Variants in CTSL observed in about 807,000 individuals in gnomAD.
The protein encoded by CTSL is procathepsin L.
CTSL carries 23 observed loss-of-function variants against 34.7 expected under a neutral mutation model. The observed-to-expected ratio is 0.66, with a 90% CI of 0.48 to 0.94. The LOEUF is 0.94. Among genes scored for constraint, CTSL ranks in the 40% least tolerant of loss-of-function variants. CTSL has a pLI of 0.00. For synonymous variants in CTSL, 129 were observed against 136.7 expected (o/e 0.94, Z 0.39); for missense variants, 361 against 406.3 (o/e 0.89, Z 0.96).
rs779141530 is a variant in CTSL, at chr9:87,727,710, A to G, written c.107A>G (p.His36Arg). 2.5e-6 allele frequency: 4 copies of G among 1,614,212 alleles called. No individual in the cohort carries two copies. In the South Asian group the frequency reaches 3.3e-5, roughly 13 times the overall value. ...CAGTGGACCAAGTGGAAGGCGATGC[A>G]CAACAGATTATACGGCATGGTTAGT... ...EAQWTKWKAM[H>R]NRLYGMNEEG... Residue 36 changes from histidine (H) to arginine (R), a missense_variant, in exon 2 of 8, where the codon CAC becomes CGC. Physicochemically the swap from His to Arg is conservative, Grantham distance 29. Coordinates refer to ENST00000343150, the MANE Select transcript of CTSL (RefSeq NM_001912.5).
intron 7 of CTSL, 96 bp downstream of exon 7, chr9:87,730,594 C>A: frequency 1.3e-6 from 1 of 794,546 alleles, no homozygotes; most frequent in Non-Finnish European, 2.0e-6. Context: ...CTTAGGCATA[C>A]TTCTGAAATC....
chr9:87,729,518 C>T, intron 5 of CTSL, 55 bp from the exon 6 acceptor site: 2 of 1,528,060 alleles, frequency 1.3e-6, no homozygotes, highest in Non-Finnish European at 1.8e-6. Context: ...AACTCATGTT[C>T]TCCAGGAGGA....
At chr9:87,728,550 T>G (rs772873340) in intron 4 of CTSL, 35 bp from the exon 5 acceptor site, 10 of 1,590,578 alleles carry the variant, frequency 6.3e-6, no homozygotes, top group African/African-American at 4.1e-5. Context: ...TATTTTTTTT[T>G]TGTGGATGAC....
intron 1 of CTSL, among the ~76,000 whole-genome samples, chr9:87,727,088 G>C (rs1309092738): frequency 1.3e-5 from 2 of 149,408 alleles, no homozygotes; most frequent in Non-Finnish European, 1.5e-5. Context: ...AAATAGGAGA[G>C]ATTGGAAAAC....
chr9:87,731,173 C>T lies in CTSL; in HGVS notation c.*66C>T. On this transcript the variant is annotated 3_prime_UTR_variant, in exon 8 of 8. Transcript: ENST00000343150. ...CGCATGCATGGGAGGAATTCATCTT[C>T]AGTCTACCAGCCCCCGCTGTGTCGG... 1 of 1,192,928 alleles carries T rather than the reference C, an allele frequency of 8.4e-7. No individual in the cohort carries two copies. Among genetic ancestry groups the T allele is most frequent in the South Asian group, 1.3e-5 (1 of 78,336 alleles). The allele number at this position is 1,192,928 out of a possible 1,614,324, so 73.9% of individuals were successfully genotyped here.
At position 87,728,294 on chromosome 9, in the gene CTSL, T is replaced by G. The variant is rs1826111838; in HGVS notation, c.294T>G (p.Arg98=). 1 of 1,614,174 alleles carries G rather than the reference T, an allele frequency of 6.2e-7. No individual in the cohort carries two copies. The highest frequency in any genetic ancestry group is 1.3e-5 in the African/African-American group (1 of 75,048). The change falls in exon 4 of 8, where the codon CGT becomes CGG. Residue 98 remains arginine, a synonymous_variant. Coordinates refer to ENST00000343150, the MANE Select transcript of CTSL (RefSeq NM_001912.5). ...FRQVMNGFQN[R]KPRKGKVFQE... Reference sequence around the variant, plus strand: ...AGGTGATGAATGGCTTTCAAAACCGTAAGCCCAGGAAGGGGAAAGTGTTCC... The same window carrying G: ...AGGTGATGAATGGCTTTCAAAACCGGAAGCCCAGGAAGGGGAAAGTGTTCC...
Position 87,728,468 on chromosome 9 carries a change from G to A in CTSL, c.396+72G>A. On this transcript the variant is annotated intron_variant, in intron 4 of 7. Transcript: ENST00000343150. The stretch of plus-strand genomic sequence containing the variant: ...AGAAGTGATTGACATCTTTGTTTTG[G>A]TAGACTTTAAAGTGATGTACAGTTC... The A allele has an allele frequency of 3.2e-6, 5 of 1,579,902 alleles. No homozygotes were observed. In the South Asian group the frequency reaches 3.5e-5, roughly 11 times the overall value.
Position 87,729,672 on chromosome 9 carries a change from A to G in CTSL, c.721A>G (p.Thr241Ala). 1.2e-6 allele frequency: 2 copies of G among 1,614,146 alleles called. No homozygotes were observed. Among genetic ancestry groups the G allele is most frequent in the Non-Finnish European group, 1.7e-6 (2 of 1,180,004 alleles). The change falls in exon 6 of 8, where the codon ACT becomes GCT. Residue 241 changes from threonine to alanine, a missense_variant. By Grantham distance (58) the Thr-to-Ala change is moderately conservative (BLOSUM62 0). Transcript: ENST00000343150. ...GAAGGCCCTGATGAAGGCAGTTGCA[A>G]CTGTGGGGCCCATTTCTGTTGCTAT... is the stretch of plus-strand genomic sequence containing the variant. ...QEKALMKAVA[T>A]VGPISVAIDA... is the part of the protein sequence containing the mutation.
chr9:87,729,032 A>G (rs1167418622), intron 5 of CTSL: 1 of 1,252,000 alleles, frequency 8.0e-7, no homozygotes, highest in Non-Finnish European at 1.1e-6. Context: ...TCAAAAATAC[A>G]ACGAAAATTA....
rs973376499 is a variant in CTSL at position 87,726,275 on chromosome 9, G to C, written c.-134G>C. The C allele has an allele frequency of 6.6e-6, 1 of 152,490 alleles. No homozygotes were observed. The highest frequency in any genetic ancestry group is 6.5e-5 in the Admixed American group (1 of 15,288). 9.4% of individuals were successfully genotyped at this position (152,490 alleles called of 1,614,324 possible). On this transcript the variant is annotated 5_prime_UTR_variant, in exon 1 of 8. Transcript: ENST00000343150. ...GTAGGTGTGCACCAGCCCTGGCAAC[G>C]AGAGCGTCTACCCCGAACTCTGCTG...
At chr9:87,728,874 C>G (rs758771938) in intron 5 of CTSL, 65 bp downstream of exon 5, 1 of 1,608,654 alleles carries the variant, frequency 6.2e-7, no homozygotes, top group East Asian at 2.2e-5. Context: ...TAAGAGATAA[C>G]AGATACCTTT....
chr9:87,727,418 C>T (rs920651269), intron 1 of CTSL, among the ~76,000 whole-genome samples, 176 bp from the exon 2 acceptor site: 3 of 152,176 alleles, frequency 2.0e-5, no homozygotes, highest in Non-Finnish European at 2.9e-5. Flanking sequence ...AGTACCTCCA[C>T]GTGCCCTGTT....
intron 1 of CTSL, 88 bp from the exon 2 acceptor site, chr9:87,727,506 T>G: frequency 8.5e-6 from 11 of 1,290,644 alleles, no homozygotes; most frequent in Non-Finnish European, 1.1e-5. Context: ...ATTTTTATTC[T>G]ACCATGGTGG....
chr9:87,729,650 G>C lies in CTSL; in HGVS notation c.699G>C (p.Lys233Asn), dbSNP rs1190878026. Residue 233 changes from lysine (K) to asparagine (N), a missense_variant, in exon 6 of 8, where the codon AAG becomes AAC. Coordinates refer to ENST00000343150, the MANE Select transcript of CTSL (RefSeq NM_001912.5). ...TTGTGGACATCCCTAAGCAGGAGAA[G>C]GCCCTGATGAAGGCAGTTGCAACTG... ...TGFVDIPKQE[K>N]ALMKAVATVG... 1 of 1,614,134 alleles carries C rather than the reference G, an allele frequency of 6.2e-7. No homozygotes were observed. The highest frequency in any genetic ancestry group is 1.7e-5 in the Admixed American group (1 of 60,018).
In CTSL at chr9:87,731,318, TACTG is replaced by T. The variant is rs1321670715; in HGVS notation, c.*215_*218del. 1 of 387,822 alleles carries T rather than the reference TACTG, an allele frequency of 2.6e-6. No homozygotes were observed. The highest frequency in any genetic ancestry group is 4.6e-6 in the Non-Finnish European group (1 of 219,334). 24.0% of individuals were successfully genotyped at this position (387,822 alleles called of 1,614,324 possible). ...AATAGGTTTATATTATTGATTCACT[TACTG>T]ACTTTGCATTTTCGTTTTTAAAAGG... On this transcript the variant is annotated 3_prime_UTR_variant, in exon 8 of 8. Transcript: ENST00000343150.
chr9:87,728,650 A>T lies in CTSL; in HGVS notation c.462A>T (p.Lys154Asn), dbSNP rs768777861. The T allele has an allele frequency of 6.2e-7, 1 of 1,614,104 alleles. No homozygotes were observed. Among genetic ancestry groups the T allele is most frequent in the South Asian group, 1.1e-5 (1 of 91,078 alleles). The change falls in exon 5 of 8, where the codon AAA (lysine) becomes AAT (asparagine). Residue 154 changes from lysine to asparagine, a missense_variant. Lys to Asn is a moderately conservative substitution (Grantham distance 94). Transcript: ENST00000343150. ...TGALEGQMFR[K>N]TGRLISLSEQ... ...CTCTTGAAGGACAGATGTTCCGGAA[A>T]ACTGGGAGGCTTATCTCACTGAGTG...
At position 87,727,758 on chromosome 9, in the gene CTSL, T is replaced by C. The variant is rs1266196288; in HGVS notation, c.126+29T>C. Reference sequence around the variant, plus strand: ...AGTGAAACTTCCCCAGAAAGAATAGTCCTGGCTGTTGAGAAGTTTTAGTCA... The same window carrying C: ...AGTGAAACTTCCCCAGAAAGAATAGCCCTGGCTGTTGAGAAGTTTTAGTCA... On this transcript the variant is annotated intron_variant, in intron 2 of 7. Coordinates refer to ENST00000343150, the MANE Select transcript of CTSL (RefSeq NM_001912.5). 5 of 1,613,348 alleles carry C rather than the reference T, an allele frequency of 3.1e-6. No individual in the cohort carries two copies. In the Admixed American group the frequency reaches 8.3e-5, roughly 27 times the overall value.
intron 1 of CTSL, among the ~76,000 whole-genome samples, chr9:87,726,651 G>C (rs1477159265): frequency 6.6e-6 from 1 of 152,208 alleles, no homozygotes; most frequent in Non-Finnish European, 1.5e-5. Context: ...GGAGCAGTTT[G>C]GGGTGTCGGC....
Position 87,731,167 on chromosome 9 carries a change from C to A in CTSL, c.*60C>A. ...GGATGGCGCATGCATGGGAGGAATT[C>A]ATCTTCAGTCTACCAGCCCCCGCTG... On this transcript the variant is annotated 3_prime_UTR_variant, in exon 8 of 8. Coordinates refer to ENST00000343150, the MANE Select transcript of CTSL (RefSeq NM_001912.5). 3.1e-6 allele frequency: 4 copies of A among 1,281,356 alleles called. No homozygotes were observed. Among genetic ancestry groups the A allele is most frequent in the Non-Finnish European group, 3.4e-6 (3 of 886,946 alleles). 79.4% of individuals were successfully genotyped at this position (1,281,356 alleles called of 1,614,324 possible). A position where few individuals can be genotyped will look rare whatever the true frequency, so the allele number is the denominator to read the frequency against.
Sources: allele counts gnomAD v4.1 joint callset (sites outside exome capture counted in the v4.1 genomes callset), GRCh38; gene constraint gnomAD v4.1.1; transcripts MANE v1.5; gene names NCBI Gene and HGNC (gene_info 2026-07-23, HGNC 2026-07-21).